Variants in COL4A5 observed in about 807,000 individuals in gnomAD.
The protein encoded by COL4A5 is collagen type IV alpha 5 chain.
A neutral mutation model predicts 130.2 loss-of-function variants in COL4A5; 26 were observed. The observed-to-expected ratio is 0.20, with a 90% CI of 0.15 to 0.28. The LOEUF is 0.28. Among genes scored for constraint, COL4A5 ranks in the 10% least tolerant of loss-of-function variants. The pLI is 1.00. For synonymous variants in COL4A5, 496 were observed against 439.6 expected, an observed-to-expected ratio of 1.13 and a Z score of -1.60; for missense variants, 1,131 against 1,344.3, an observed-to-expected ratio of 0.84 and a Z score of 2.48.
At chrX:108,675,123 G>T (rs2068281360) in intron 43 of COL4A5, among the ~76,000 whole-genome samples, 2 of 111,104 alleles carry the variant, frequency 1.8e-5, no homozygotes, top group Non-Finnish European at 3.8e-5. Context: ...TTCTCAGATT[G>T]CCCTGATCTG....
chrX:108,494,377 A>G (rs1351075420), intron 1 of COL4A5, among the ~76,000 whole-genome samples: 1 of 112,107 alleles, frequency 8.9e-6, no homozygotes, highest in Non-Finnish European at 1.9e-5. Context: ...ATCCGTAAGA[A>G]AAGATGTAAT....
chrX:108,547,720 AG>A (rs934093879), intron 2 of COL4A5, among the ~76,000 whole-genome samples: 3 of 111,947 alleles, frequency 2.7e-5, no homozygotes, highest in African/African-American at 9.7e-5. Flanking sequence ...GAGTCTACAG[AG>A]GCAGGCAGGC....
chrX:108,689,480 A>G, intron 49 of COL4A5: 1 of 751,730 alleles, frequency 1.3e-6, no homozygotes, highest in Non-Finnish European at 1.6e-6. Flanking sequence ...TATTTTCTCT[A>G]ATAAGAACAA....
rs181576662 is a variant in COL4A5, at chrX:108,458,003, G to A, written c.81+17797G>A. 3.6e-3 allele frequency among the ~76,000 whole-genome samples: 407 copies of A among 111,621 alleles called. 2 individuals are homozygous for A. The highest frequency in any genetic ancestry group is 0.013 in the African/African-American group (392 of 30,762). ...TTCATTTCATACATACATGCCATGC[G>A]GATATGCTCTGCCATTTGGTGGCTT... On this transcript the variant is annotated intron_variant, in intron 1 of 52. Transcript: ENST00000328300.
chrX:108,576,954 C>T (rs1296445100), intron 10 of COL4A5, among the ~76,000 whole-genome samples: 1 of 111,449 alleles, frequency 9.0e-6, no homozygotes, highest in Non-Finnish European at 1.9e-5. Flanking sequence ...CATTGGTGCC[C>T]CTTGAGTATA....
chrX:108,507,755 C>T (rs946923405), intron 1 of COL4A5, among the ~76,000 whole-genome samples: 3 of 111,707 alleles, frequency 2.7e-5, no homozygotes, highest in African/African-American at 9.8e-5. Context: ...TTGCAGTGAG[C>T]CTAGATCACA....
chrX:108,523,264 T>C (rs1172051692), intron 1 of COL4A5, among the ~76,000 whole-genome samples: 2 of 112,161 alleles, frequency 1.8e-5, no homozygotes, highest in Admixed American at 1.9e-4. Flanking sequence ...AGTTAATTTC[T>C]ATGTATAGTG....
chrX:108,538,323 A>G (rs1450487362), intron 1 of COL4A5, among the ~76,000 whole-genome samples: 1 of 112,088 alleles, frequency 8.9e-6, no homozygotes, highest in Non-Finnish European at 1.9e-5. Flanking sequence ...ACCCCCAAAC[A>G]TCTATGAATA....
chrX:108,672,878 CT>C (rs1385683398), intron 42 of COL4A5, among the ~76,000 whole-genome samples: 3 of 106,531 alleles, frequency 2.8e-5, no homozygotes, highest in East Asian at 3.0e-4. Flanking sequence ...ATTTATTTAA[CT>C]AATTTTGTGG....
chrX:108,531,627 T>G (rs1477132403), intron 1 of COL4A5, among the ~76,000 whole-genome samples: 1 of 109,835 alleles, frequency 9.1e-6, no homozygotes, highest in Non-Finnish European at 1.9e-5. Context: ...AAACAGAGAC[T>G]ACAAAAGCAA....
chrX:108,546,137 T>C, intron 2 of COL4A5, among the ~76,000 whole-genome samples: 1 of 111,954 alleles, frequency 8.9e-6, no homozygotes, highest in Non-Finnish European at 1.9e-5. Flanking sequence ...ATGTGTGAAT[T>C]TGATCCTGTC....
Position 108,591,176 on chromosome X carries a change from T to C in COL4A5, c.1284T>C (p.Pro428=), listed in dbSNP as rs749965873. The C allele has an allele frequency of 9.9e-6, 12 of 1,208,750 alleles. No homozygotes were observed. The highest frequency in any genetic ancestry group is 4.5e-6 in the Non-Finnish European group (4 of 894,748). ...GACCTCCTGGACTTGACGGACAGCC[T>C]GGGGCTCCTGGGCTTCCAGGGCCTC... ...IPGPPGLDGQ[P]GAPGLPGPPG... is the part of the protein sequence containing the mutation. The change falls in exon 20 of 53, where the codon CCT becomes CCC. Residue 428 remains proline, a synonymous_variant. Transcript: ENST00000328300.
chrX:108,566,643 G>C (rs1300713892), intron 4 of COL4A5, among the ~76,000 whole-genome samples: 1 of 110,098 alleles, frequency 9.1e-6, no homozygotes, highest in Non-Finnish European at 1.9e-5. Context: ...CCGCCTCCCG[G>C]GTTCACGCCA....
rs1381117009 is a variant in COL4A5 at position 108,667,135 on chromosome X, C to A, written c.3556C>A (p.Gln1186Lys). 1 of 1,210,945 alleles carries A rather than the reference C, an allele frequency of 8.3e-7. No individual in the cohort carries two copies. Among genetic ancestry groups the A allele is most frequent in the South Asian group, 1.8e-5 (1 of 56,946 alleles). Residue 1186 changes from glutamine to lysine, a missense_variant and splice_region_variant, in exon 40 of 53, where the codon CAA (glutamine) becomes AAA (lysine). Transcript: ENST00000328300. Reference protein sequence around the residue: ...GPAGQKGEPGQPGFGNPGPPG... With the variant: ...GPAGQKGEPGKPGFGNPGPPG... ...TGTTTTGTTTTGTACTCTGACAGGT[C>A]AACCAGGCTTTGGAAACCCAGGACC...
At chrX:108,441,540 C>A (rs773758726) in intron 1 of COL4A5, among the ~76,000 whole-genome samples, 20 of 111,927 alleles carry the variant, frequency 1.8e-4, no homozygotes, top group African/African-American at 6.2e-4. Flanking sequence ...TGCTGAAAAA[C>A]CATGCATATC....
chrX:108,666,048 GA>G (rs770008300), intron 38 of COL4A5, among the ~76,000 whole-genome samples: 85 of 96,383 alleles, frequency 8.8e-4, no homozygotes, highest in African/African-American at 1.9e-3. Context: ...CAAGACCCTC[GA>G]AAAAAAAAAA....
chrX:108,468,115 A>G (rs2064726601), intron 1 of COL4A5, among the ~76,000 whole-genome samples: 1 of 111,884 alleles, frequency 8.9e-6, no homozygotes, highest in African/African-American at 3.2e-5. Context: ...TATATTTTAA[A>G]TAATTTTATG....
chrX:108,515,676 T>G (rs2065214221), intron 1 of COL4A5, among the ~76,000 whole-genome samples: 1 of 111,507 alleles, frequency 9.0e-6, no homozygotes, highest in Non-Finnish European at 1.9e-5. Flanking sequence ...TGACGAGTAT[T>G]GAGAAAACAC....
chrX:108,500,758 T>C (rs895931534), intron 1 of COL4A5, among the ~76,000 whole-genome samples: 4 of 111,603 alleles, frequency 3.6e-5, no homozygotes, highest in Non-Finnish European at 7.5e-5. Context: ...TTTTAACTTC[T>C]TGTTTGGCCT....
Sources: gnomAD v4.1 joint callset for allele counts (sites outside exome capture counted in the v4.1 genomes callset) on GRCh38, gnomAD v4.1.1 for gene constraint, MANE v1.5 for transcripts, NCBI Gene and HGNC (gene_info 2026-07-23, HGNC 2026-07-21) for gene names.